The following GOLGA5 variants were observed in gnomAD, a reference collection of about 807,000 sequenced individuals.
The protein encoded by GOLGA5 is golgin A5.
GOLGA5 carries 50 observed loss-of-function variants against 93.5 expected under a neutral mutation model. That is an observed-to-expected ratio of 0.53 (90% CI 0.43 to 0.68). GOLGA5 has a LOEUF of 0.68. Among genes scored for constraint, GOLGA5 ranks in the 30% least tolerant of loss-of-function variants. The pLI is 0.00. For missense variants in GOLGA5, 760 were observed against 856.4 expected (o/e 0.89, Z 1.40); for synonymous variants, 312 against 304.5 (o/e 1.02, Z -0.26).
intron 6 of GOLGA5, among the ~76,000 whole-genome samples, 162 bp from the exon 7 acceptor site, chr14:92,816,089 T>G (rs1415410754): frequency 1.3e-5 from 2 of 152,198 alleles, no homozygotes; most frequent in Non-Finnish European, 2.9e-5. Flanking sequence ...ACAGCAAGGC[T>G]CTGTTGTGTT....
chr14:92,820,445 G>A (rs1381970550), intron 8 of GOLGA5, among the ~76,000 whole-genome samples: 2 of 152,170 alleles, frequency 1.3e-5, no homozygotes, highest in East Asian at 1.9e-4. Flanking sequence ...ATGTACAATC[G>A]GGTTTTATCC....
intron 9 of GOLGA5, among the ~76,000 whole-genome samples, chr14:92,832,725 G>A (rs1885556172): frequency 6.6e-6 from 1 of 152,206 alleles, no homozygotes; most frequent in South Asian, 2.1e-4. Flanking sequence ...CTGTTGAAAA[G>A]TGTGGATTGT....
chr14:92,797,613 A>C lies in GOLGA5; in HGVS notation c.176A>C (p.Lys59Thr), dbSNP rs768088371. ...GATTTGATATATCAGACTGGACCTA[A>C]ATCTACGTATATTTCATCAGCAGCT... The part of the protein sequence containing the change: ...NTDLIYQTGP[K>T]STYISSAADN... The change falls in exon 2 of 13, where the codon AAA becomes ACA. Residue 59 changes from lysine to threonine, a missense_variant. Coordinates refer to ENST00000163416, the MANE Select transcript of GOLGA5 (RefSeq NM_005113.4). 3 of 1,613,580 alleles carry C rather than the reference A, an allele frequency of 1.9e-6. No individual in the cohort carries two copies. Among genetic ancestry groups the C allele is most frequent in the Non-Finnish European group, 1.7e-6 (2 of 1,179,468 alleles).
Position 92,819,827 on chromosome 14 carries a change from A to G in GOLGA5, c.1611A>G (p.Arg537=), listed in dbSNP as rs267604098. The G allele has an allele frequency of 6.2e-7, 1 of 1,613,972 alleles. No individual in the cohort carries two copies. Among genetic ancestry groups the G allele is most frequent in the Non-Finnish European group, 8.5e-7 (1 of 1,179,912 alleles). The change falls in exon 8 of 13, where the codon CGA becomes CGG. Residue 537 remains arginine (R), a synonymous_variant. Transcript: ENST00000163416. The part of the protein sequence containing the change: ...SKQELETELE[R]LKQEFHYIEE... ...AAGAACTAGAGACAGAACTGGAGCG[A>G]CTGAAGCAGGTCAGGATTTGAGATT... is the stretch of plus-strand genomic sequence containing the variant.
At chr14:92,799,629 C>T (rs982145734) in intron 2 of GOLGA5, among the ~76,000 whole-genome samples, 1 of 150,688 alleles carries the variant, frequency 6.6e-6, no homozygotes, top group African/African-American at 2.4e-5. Context: ...TTTTGTGAGA[C>T]GGAGTCTCGC....
chr14:92,815,735 G>C (rs1885189516), intron 6 of GOLGA5, among the ~76,000 whole-genome samples: 2 of 136,780 alleles, frequency 1.5e-5, no homozygotes, highest in South Asian at 2.2e-4. Context: ...ACGGAGTCTG[G>C]CTCTGTCACC....
At chr14:92,834,184 C>CTTTTTTT (rs35449807) in intron 10 of GOLGA5, among the ~76,000 whole-genome samples, 49 of 135,020 alleles carry the variant, frequency 3.6e-4, no homozygotes, top group Non-Finnish European at 5.1e-4. Flanking sequence ...TAGGTTTCAC[C>CTTTTTTT]TTTTTTTTTT....
Position 92,819,825 on chromosome 14 carries a change from C to T in GOLGA5, c.1609C>T (p.Arg537Ter), listed in dbSNP as rs1885278480. 4 of 1,613,772 alleles carry T rather than the reference C, an allele frequency of 2.5e-6. No individual in the cohort carries two copies. The highest frequency in any genetic ancestry group is 1.3e-5 in the African/African-American group (1 of 75,004). The change falls in exon 8 of 13, where the codon CGA (arginine) becomes TGA (stop). Residue 537 changes from arginine (R) to a stop codon, truncating the protein, a stop_gained. Coordinates refer to ENST00000163416, the MANE Select transcript of GOLGA5 (RefSeq NM_005113.4). LOFTEE classifies it high-confidence loss of function. ...SKQELETELERLKQEFHYIEE... is the reference protein window; with the variant it reads ...SKQELETELE Reference sequence around the variant, plus strand: ...ACAAGAACTAGAGACAGAACTGGAGCGACTGAAGCAGGTCAGGATTTGAGA... The same window carrying T: ...ACAAGAACTAGAGACAGAACTGGAGTGACTGAAGCAGGTCAGGATTTGAGA...
At chr14:92,829,271 C>T (rs148532265) in intron 9 of GOLGA5, among the ~76,000 whole-genome samples, 484 of 152,262 alleles carry the variant, frequency 3.2e-3, no homozygotes, top group Middle Eastern at 0.014. Flanking sequence ...CGAGTCTTAT[C>T]ACTTAAGACA....
chr14:92,814,690 A>C (rs1049852487), intron 6 of GOLGA5, among the ~76,000 whole-genome samples: 5 of 152,218 alleles, frequency 3.3e-5, no homozygotes, highest in African/African-American at 1.2e-4. Context: ...AAAAGGAAAA[A>C]TTATTTTTGA....
chr14:92,829,876 T>C (rs1488958703), intron 9 of GOLGA5, among the ~76,000 whole-genome samples: 1 of 151,978 alleles, frequency 6.6e-6, no homozygotes, highest in African/African-American at 2.4e-5. Flanking sequence ...TTTGTTGTTA[T>C]CTTATTTTAA....
intron 9 of GOLGA5, among the ~76,000 whole-genome samples, chr14:92,830,571 A>G (rs939678406): frequency 6.6e-6 from 1 of 152,014 alleles, no homozygotes; most frequent in Non-Finnish European, 1.5e-5. Context: ...CTGTTAATAG[A>G]CTACAGTATA....
chr14:92,826,830 G>C (rs1885433221), intron 9 of GOLGA5, among the ~76,000 whole-genome samples: 1 of 151,996 alleles, frequency 6.6e-6, no homozygotes, highest in Non-Finnish European at 1.5e-5. Flanking sequence ...TTGAGATGAC[G>C]CTAAGCCTAA....
At chr14:92,813,715 GT>G (rs1418892407) in intron 6 of GOLGA5, among the ~76,000 whole-genome samples, 2 of 152,174 alleles carry the variant, frequency 1.3e-5, no homozygotes, top group Admixed American at 6.5e-5. Context: ...CCTCTGTCTT[GT>G]TCATCGTTGT....
intron 2 of GOLGA5, among the ~76,000 whole-genome samples, chr14:92,799,607 A>ATTTT (rs1884823422): frequency 7.2e-6 from 1 of 139,258 alleles, no homozygotes; most frequent in African/African-American, 2.7e-5. Context: ...TTATTTATTT[A>ATTTT]TTTATTTATT....
At chr14:92,804,501 C>A (rs190086900) in intron 2 of GOLGA5, among the ~76,000 whole-genome samples, 1 of 152,166 alleles carries the variant, frequency 6.6e-6, no homozygotes, top group East Asian at 1.9e-4. Flanking sequence ...CATTTCCCAT[C>A]ACTTTCTTCA....
chr14:92,837,094 C>G (rs931422350), intron 11 of GOLGA5, among the ~76,000 whole-genome samples: 1 of 151,796 alleles, frequency 6.6e-6, no homozygotes, highest in Non-Finnish European at 1.5e-5. Flanking sequence ...AATTAGGGAT[C>G]AAGTTTGCCT....
At chr14:92,814,144 G>A (rs567160405) in intron 6 of GOLGA5, among the ~76,000 whole-genome samples, 1 of 152,290 alleles carries the variant, frequency 6.6e-6, no homozygotes, top group African/African-American at 2.4e-5. Flanking sequence ...TAAGTTGGGA[G>A]AGTAGGTAAG....
chr14:92,825,897 A>G (rs1035403022), intron 9 of GOLGA5, among the ~76,000 whole-genome samples: 1 of 148,994 alleles, frequency 6.7e-6, no homozygotes, highest in Non-Finnish European at 1.5e-5. Flanking sequence ...GCTTATGCCT[A>G]TAGTCCTAAC....
Sources: gnomAD v4.1 joint callset for allele counts (sites outside exome capture counted in the v4.1 genomes callset) on GRCh38, gnomAD v4.1.1 for gene constraint, MANE v1.5 for transcripts, NCBI Gene and HGNC (gene_info 2026-07-23, HGNC 2026-07-21) for gene names.